DPH6: variants seen among roughly 807,000 people sequenced by gnomAD.
DPH6 encodes diphthamine biosynthesis 6.
DPH6 carries 33 observed loss-of-function variants against 38.2 expected under a neutral mutation model. The observed-to-expected ratio is 0.86, with a 90% CI of 0.65 to 1.15. The LOEUF (loss-of-function observed/expected upper bound fraction) is 1.15, where lower values mean the gene tolerates loss of function less well. Ranked by LOEUF, DPH6 falls within the 50% of genes most tolerant of loss-of-function variation. The pLI is 0.00. For missense variants in DPH6, 325 were observed against 320.0 expected, an observed-to-expected ratio of 1.02 and a Z score of -0.12; for synonymous variants, 108 against 103.0, an observed-to-expected ratio of 1.05 and a Z score of -0.30.
At chr15:35,421,320 A>C (rs1320317709) in intron 5 of DPH6, among the ~76,000 whole-genome samples, 1 of 152,214 alleles carries the variant, frequency 6.6e-6, no homozygotes, top group East Asian at 1.9e-4. Context: ...TCTAAAATCT[A>C]TGAGCTGATA....
intron 6 of DPH6, chr15:35,401,523 C>T: frequency 1.3e-6 from 1 of 771,440 alleles, no homozygotes; most frequent in Admixed American, 1.7e-5. Context: ...ACAGCTATAA[C>T]AATGGAGGCA....
intron 5 of DPH6, among the ~76,000 whole-genome samples, chr15:35,427,482 G>A (rs377009411): frequency 1.3e-4 from 17 of 129,820 alleles, no homozygotes; most frequent in African/African-American, 5.8e-4. Flanking sequence ...AAAAATAATC[G>A]AATTAAGATT....
chr15:35,264,613 G>A (rs2051771489), intron 3 of DPH6, among the ~76,000 whole-genome samples: 5 of 152,204 alleles, frequency 3.3e-5, no homozygotes, highest in Admixed American at 3.3e-4. Flanking sequence ...TCATGTTGGT[G>A]AATTTGAGAT....
intron 3 of DPH6, among the ~76,000 whole-genome samples, chr15:35,245,384 G>A (rs960434322): frequency 7.9e-5 from 12 of 151,646 alleles, no homozygotes; most frequent in Non-Finnish European, 8.8e-5. Context: ...GACTACAGGC[G>A]CCCGCCACCA....
intron 3 of DPH6, among the ~76,000 whole-genome samples, chr15:35,516,372 T>C (rs2054847950): frequency 6.6e-6 from 1 of 152,230 alleles, no homozygotes; most frequent in Non-Finnish European, 1.5e-5. Context: ...TTAATATTTA[T>C]TGATGCTTCC....
At chr15:35,206,969 A>C in the DPH6 span, among the ~76,000 whole-genome samples, 1 of 152,180 alleles carries the variant, frequency 6.6e-6, no homozygotes, top group East Asian at 1.9e-4. Context: ...ACTGCCATTA[A>C]AAAGATATGG....
intron 3 of DPH6, among the ~76,000 whole-genome samples, chr15:35,312,541 C>A (rs765024232): frequency 7.2e-5 from 11 of 152,104 alleles, no homozygotes; most frequent in African/African-American, 1.2e-4. Context: ...GCTGGCCAAA[C>A]AGATTCATGG....
intron 6 of DPH6, among the ~76,000 whole-genome samples, chr15:35,387,037 T>A (rs1288745961): frequency 2.6e-5 from 4 of 152,232 alleles, no homozygotes; most frequent in African/African-American, 4.8e-5. Context: ...AAGGAAGGGA[T>A]CCAGTTTCAG....
At chr15:35,263,235 A>G (rs970175500) in intron 3 of DPH6, among the ~76,000 whole-genome samples, 2 of 152,220 alleles carry the variant, frequency 1.3e-5, no homozygotes, top group East Asian at 1.9e-4. Flanking sequence ...TAAACATCTC[A>G]TTAATCTTCA....
At chr15:35,418,970 C>CT (rs1455508362) in intron 5 of DPH6, among the ~76,000 whole-genome samples, 6 of 151,882 alleles carry the variant, frequency 4.0e-5, no homozygotes, top group Non-Finnish European at 8.8e-5. Flanking sequence ...TATAATCACT[C>CT]TGAGAAGCAA....
At chr15:35,226,251 G>A (rs1275301889) in intron 3 of DPH6, among the ~76,000 whole-genome samples, 1 of 152,130 alleles carries the variant, frequency 6.6e-6, no homozygotes, top group Non-Finnish European at 1.5e-5. Context: ...AGTGTAGTAT[G>A]GTGATAGCTT....
intron 3 of DPH6, among the ~76,000 whole-genome samples, chr15:35,361,150 G>A (rs965707654): frequency 1.3e-5 from 2 of 152,172 alleles, no homozygotes; most frequent in African/African-American, 2.4e-5. Context: ...ACATGCAGCT[G>A]AGGCCACTGT....
downstream of DPH6, among the ~76,000 whole-genome samples, chr15:35,366,724 T>C (rs1462834375): frequency 6.6e-6 from 1 of 151,870 alleles, no homozygotes; most frequent in Non-Finnish European, 1.5e-5. Context: ...AACTCACACA[T>C]CACCATTTGC....
At chr15:35,169,150 C>T in the DPH6 span, among the ~76,000 whole-genome samples, 1 of 152,056 alleles carries the variant, frequency 6.6e-6, no homozygotes, top group Admixed American at 6.6e-5. Context: ...ACTTCCATAA[C>T]CATCTTTTAT....
chr15:35,431,519 T>G (rs1261642471), intron 5 of DPH6, among the ~76,000 whole-genome samples: 1 of 152,108 alleles, frequency 6.6e-6, no homozygotes, highest in Non-Finnish European at 1.5e-5. Flanking sequence ...AATAAAGAAG[T>G]GCTCCTTAAG....
chr15:35,496,545 A>G (rs2054551772), intron 3 of DPH6, among the ~76,000 whole-genome samples: 1 of 110,982 alleles, frequency 9.0e-6, no homozygotes, highest in Non-Finnish European at 2.0e-5. Flanking sequence ...ACAAGACGAA[A>G]GTTCCATCTC....
intron 6 of DPH6, among the ~76,000 whole-genome samples, chr15:35,406,688 G>A (rs1188388295): frequency 6.6e-6 from 1 of 151,972 alleles, no homozygotes; most frequent in Non-Finnish European, 1.5e-5. Flanking sequence ...TTGAACAACT[G>A]AGCAGACAAT....
intron 3 of DPH6, among the ~76,000 whole-genome samples, chr15:35,252,343 A>C (rs2051680611): frequency 6.6e-6 from 1 of 151,778 alleles, no homozygotes; most frequent in Admixed American, 6.5e-5. Context: ...CAAGCCTATA[A>C]ACAAAAAAAG....
chr15:35,444,830 T>C (rs949216397), intron 5 of DPH6, among the ~76,000 whole-genome samples: 15 of 152,154 alleles, frequency 9.9e-5, no homozygotes, highest in African/African-American at 3.1e-4. Flanking sequence ...ATCACGAGCT[T>C]TCAGGAACAT....
Sources: gnomAD v4.1 joint callset for allele counts (sites outside exome capture counted in the v4.1 genomes callset) on GRCh38, gnomAD v4.1.1 for gene constraint, MANE v1.5 for transcripts, NCBI Gene and HGNC (gene_info 2026-07-23, HGNC 2026-07-21) for gene names.